USP42: variants seen among roughly 807,000 people sequenced by gnomAD.
The protein encoded by USP42 is ubiquitin carboxyl-terminal hydrolase 42.
Under a neutral mutation model 113.0 loss-of-function variants are expected in USP42, and 23 were observed. That is an observed-to-expected ratio of 0.20 (90% confidence interval 0.15 to 0.29). The LOEUF (loss-of-function observed/expected upper bound fraction) is 0.29, where lower values mean the gene tolerates loss of function less well. Among genes scored for constraint, USP42 ranks in the 10% least tolerant of loss-of-function variants. The probability of loss-of-function intolerance (pLI) is 1.00; values close to 1 mark genes in which losing one functional copy is unlikely to be tolerated. For missense variants in USP42, 2,174 were observed against 1,779.8 expected (o/e 1.22, Z -3.99); for synonymous variants, 933 against 699.0 (o/e 1.33, Z -5.28).
chr7:6,144,251 G>A (rs867243908), intron 9 of USP42, 55 bp downstream of exon 9: 10 of 1,211,642 alleles, frequency 8.3e-6, no homozygotes, highest in Middle Eastern at 1.9e-4. Flanking sequence ...GAAGCTTAAC[G>A]TGTCTGTAGC....
chr7:6,151,586 C>T lies in USP42; in HGVS notation c.2201+1080C>T, dbSNP rs564097746. On this transcript the variant is annotated intron_variant, in intron 14 of 17. Transcript: ENST00000306177. ...CTGAGTAGCTGGGACTACAGGCATGCGCCACCCCACCCAGCTAATTTTTTT... is the reference window on the plus strand; with the variant it reads ...CTGAGTAGCTGGGACTACAGGCATGTGCCACCCCACCCAGCTAATTTTTTT... Among the ~76,000 whole-genome samples, 5 of 152,008 alleles carry T rather than the reference C, an allele frequency of 3.3e-5. 1 individual carries two copies. The South Asian group carries it at 6.2e-4, about 19-fold the overall frequency.
intron 3 of USP42, among the ~76,000 whole-genome samples, chr7:6,126,439 C>G (rs1780548431): frequency 6.6e-6 from 1 of 152,140 alleles, no homozygotes; most frequent in African/African-American, 2.4e-5. Context: ...TGCCCACCAC[C>G]ACGCCTGGCT....
At chr7:6,102,392 G>A (rs984278359), upstream of USP42, among the ~76,000 whole-genome samples, 11 of 150,158 alleles carry the variant, frequency 7.3e-5, 1 homozygote, top group Non-Finnish European at 1.0e-4. Flanking sequence ...GATTACAGGC[G>A]TGAGCCACCA....
intron 3 of USP42, chr7:6,116,713 C>A: frequency 4.0e-6 from 2 of 503,366 alleles, no homozygotes; most frequent in Non-Finnish European, 4.0e-6. Flanking sequence ...AGAAAAATCA[C>A]CTAGAATCTC....
In USP42 at chr7:6,159,465, G is replaced by A; in HGVS notation, c.*8G>A. On this transcript the variant is annotated 3_prime_UTR_variant, in exon 17 of 18. Transcript: ENST00000306177. The surrounding 1 kb of genome is among the most constrained non-coding windows in gnomAD (Gnocchi z 4.1). ...TGCTTTCTAGGTGATTGAAAACTCA[G>A]CCTCAAAACAAAAAATTCACTAGTT... 6.2e-7 allele frequency: 1 copy of A among 1,613,870 alleles called. No homozygotes were observed. Among genetic ancestry groups the A allele is most frequent in the Non-Finnish European group, 8.5e-7 (1 of 1,179,840 alleles).
intron 9 of USP42, among the ~76,000 whole-genome samples, chr7:6,144,890 C>T (rs1781625533): frequency 6.6e-6 from 1 of 151,562 alleles, no homozygotes; most frequent in South Asian, 2.1e-4. Context: ...AAATTATGTT[C>T]AGAGTTGTCA....
At chr7:6,149,256 C>G (rs565290857) in intron 12 of USP42, among the ~76,000 whole-genome samples, 2 of 152,098 alleles carry the variant, frequency 1.3e-5, no homozygotes, top group Non-Finnish European at 2.9e-5. Flanking sequence ...CCCAGGAAAC[C>G]CAACCAGGTA....
chr7:6,149,911 T>G lies in USP42; in HGVS notation c.1715T>G (p.Met572Arg). The change falls in exon 13 of 18, where the codon ATG (methionine) becomes AGG (arginine). Residue 572 changes from methionine to arginine, a missense_variant. Physicochemically the swap from Met to Arg is moderately conservative, Grantham distance 91. Coordinates refer to ENST00000306177, the MANE Select transcript of USP42 (RefSeq NM_032172.3). The part of the protein sequence containing the change: ...AVQSTSNAST[M>R]SVSSKVTKPI... ...CAGTCTACCTCGAACGCATCTACGA[T>G]GTCAGTTTCTAGTAAAGTAACAAAA... is the stretch of plus-strand genomic sequence containing the variant. 6.2e-7 allele frequency: 1 copy of G among 1,614,044 alleles called. No homozygotes were observed.
intron 3 of USP42, among the ~76,000 whole-genome samples, chr7:6,124,183 G>A (rs968930317): frequency 1.3e-5 from 2 of 151,950 alleles, no homozygotes; most frequent in African/African-American, 4.8e-5. Context: ...GCCCACTCCA[G>A]TTTTCTTATG....
At chr7:6,149,554 C>T in intron 12 of USP42, 29 bp from the exon 13 acceptor site, 4 of 1,583,278 alleles carry the variant, frequency 2.5e-6, no homozygotes, top group Non-Finnish European at 3.4e-6. Flanking sequence ...TTCTGGAGCT[C>T]TGACCAGGTG....
Position 6,131,881 on chromosome 7 carries a change from A to C in USP42, c.443-3960A>C, listed in dbSNP as rs74500289. On this transcript the variant is annotated intron_variant, in intron 3 of 17. Transcript: ENST00000306177. The stretch of plus-strand genomic sequence containing the variant: ...CTCTATTCCGTCTCCCAGAAGTGCA[A>C]GTCTCATGTTTGTTTTTGAATGATA... 6.9e-3 allele frequency among the ~76,000 whole-genome samples: 1,052 copies of C among 152,260 alleles called. 12 individuals are homozygous for C. Among genetic ancestry groups the C allele is most frequent in the Middle Eastern group, 0.024 (7 of 294 alleles).
rs56776147 is a variant in USP42 at position 6,125,183 on chromosome 7, CA to C, written c.442+9681del. 5.6e-3 allele frequency among the ~76,000 whole-genome samples: 217 copies of C among 38,760 alleles called. 2 individuals are homozygous for C. The highest frequency in any genetic ancestry group is 0.021 in the South Asian group (25 of 1,164). 25.4% of individuals were successfully genotyped at this position (38,760 alleles called of 152,430 possible). The stretch of plus-strand genomic sequence containing the variant: ...GCAACAGAGCGAGACTCTGTCTCAA[CA>C]AAAAAAAAAAAAAAAAAAAACAGGC... On this transcript the variant is annotated intron_variant, in intron 3 of 17. Transcript: ENST00000306177.
At chr7:6,155,921 G>A (rs1358230916) in intron 15 of USP42, among the ~76,000 whole-genome samples, 2 of 152,084 alleles carry the variant, frequency 1.3e-5, no homozygotes, top group Non-Finnish European at 2.9e-5. Context: ...ACCATCCTCA[G>A]CTAATTTTTT....
rs754000991 is a variant in USP42, at chr7:6,154,290, G to A, written c.2736G>A (p.Pro912=). The change falls in exon 15 of 18, where the codon CCG becomes CCA. Residue 912 remains proline, a synonymous_variant. Transcript: ENST00000306177. The part of the protein sequence containing the change: ...PVLDMAPAGH[P]EGDAEPSPGE... Reference sequence around the variant, plus strand: ...TGGACATGGCCCCGGCCGGTCACCCGGAAGGGGACGCTGAGCCTAGCCCCG... The same window carrying A: ...TGGACATGGCCCCGGCCGGTCACCCAGAAGGGGACGCTGAGCCTAGCCCCG... 14 of 1,588,914 alleles carry A rather than the reference G, an allele frequency of 8.8e-6. No individual in the cohort carries two copies. Among genetic ancestry groups the A allele is most frequent in the African/African-American group, 2.7e-5 (2 of 74,466 alleles).
In USP42 at chr7:6,154,795, C is replaced by T. The variant is rs1426714848; in HGVS notation, c.3241C>T (p.Arg1081Cys). 1.9e-6 allele frequency: 3 copies of T among 1,547,528 alleles called. No individual in the cohort carries two copies. Among genetic ancestry groups the T allele is most frequent in the Non-Finnish European group, 2.6e-6 (3 of 1,145,666 alleles). The change falls in exon 15 of 18, where the codon CGC becomes TGC. Residue 1081 changes from arginine to cysteine, a missense_variant. By Grantham distance (180) the Arg-to-Cys change is radical (BLOSUM62 -3). Transcript: ENST00000306177. ...ARDWKPFHGG[R>C]EHERAGLHER... Reference sequence around the variant, plus strand: ...GGACTGGAAGCCCTTCCACGGCGGCCGCGAGCACGAGCGGGCCGGGCTGCA... The same window carrying T: ...GGACTGGAAGCCCTTCCACGGCGGCTGCGAGCACGAGCGGGCCGGGCTGCA...
intron 7 of USP42, 39 bp downstream of exon 7, chr7:6,141,023 A>G: frequency 9.0e-7 from 1 of 1,105,902 alleles, no homozygotes; most frequent in Non-Finnish European, 1.3e-6. Flanking sequence ...CATTTTTAAA[A>G]TAAGTCATTT....
chr7:6,147,327 G>A (rs532563720), intron 11 of USP42, among the ~76,000 whole-genome samples: 2 of 152,318 alleles, frequency 1.3e-5, no homozygotes, highest in African/African-American at 2.4e-5. Flanking sequence ...GCCAGGCGTG[G>A]TGGTGCATGT....
At position 6,154,124 on chromosome 7, in the gene USP42, C is replaced by T. The variant is rs1167464791; in HGVS notation, c.2570C>T (p.Pro857Leu). 3.8e-6 allele frequency: 6 copies of T among 1,599,906 alleles called. No homozygotes were observed. Among genetic ancestry groups the T allele is most frequent in the Middle Eastern group, 1.7e-4 (1 of 6,058 alleles). ...GCGGAAGCCCCGGAAGGGTTGAGTC[C>T]GGCTCCGCCTGCGCGGTCGGAGGAG... ...ALAEAPEGLS[P>L]APPARSEEPC... Residue 857 changes from proline (P) to leucine (L), a missense_variant, in exon 15 of 18, where the codon CCG becomes CTG. Transcript: ENST00000306177.
intron 3 of USP42, among the ~76,000 whole-genome samples, chr7:6,127,262 G>T (rs1467450120): frequency 6.6e-6 from 1 of 152,144 alleles, no homozygotes; most frequent in African/African-American, 2.4e-5. Context: ...CCACTTAGTG[G>T]TTGTTTTACA....
Sources: gnomAD v4.1 joint callset for allele counts (sites outside exome capture counted in the v4.1 genomes callset) on GRCh38, gnomAD v4.1.1 for gene constraint, Gnocchi (gnomAD v3.1) non-coding constraint, MANE v1.5 for transcripts, NCBI Gene and HGNC (gene_info 2026-07-23, HGNC 2026-07-21) for gene names.